Variants in WDR44 observed in about 807,000 individuals in gnomAD.
WDR44 encodes WD repeat domain 44.
WDR44 carries 9 observed loss-of-function variants against 65.7 expected under a neutral mutation model. That is an observed-to-expected ratio of 0.14 (90% confidence interval 0.08 to 0.24). The LOEUF is 0.24. Ranked by LOEUF, WDR44 falls within the 10% of genes least tolerant of loss-of-function variation. The pLI, the probability that WDR44 is intolerant of heterozygous loss-of-function variation, is 1.00. For missense variants in WDR44, 425 were observed against 670.9 expected, an observed-to-expected ratio of 0.63 and a Z score of 4.05; for synonymous variants, 220 against 235.2, an observed-to-expected ratio of 0.94 and a Z score of 0.59.
At chrX:118,442,849 G>A (rs1201486440) in intron 17 of WDR44, among the ~76,000 whole-genome samples, 169 bp downstream of exon 17, 1 of 111,714 alleles carries the variant, frequency 9.0e-6, no homozygotes, top group East Asian at 2.8e-4. Flanking sequence ...TATAGAATTC[G>A]AATTGACCCT....
chrX:118,449,618 G>A lies in WDR44; in HGVS notation c.*631G>A, dbSNP rs2057374642. The A allele has an allele frequency of 1.8e-5, 2 of 109,104 alleles. No homozygotes were observed. Among genetic ancestry groups the A allele is most frequent in the South Asian group, 7.9e-4 (2 of 2,532 alleles). 9.0% of individuals were successfully genotyped at this position (109,104 alleles called of 1,213,427 possible). A position where few individuals can be genotyped will look rare whatever the true frequency, so the allele number is the denominator to read the frequency against. ...ATAATTTTTTTTTCTTTGCCACACT[G>A]GAGCACAATGTTTCTATGTAAAGAA... On this transcript the variant is annotated 3_prime_UTR_variant, in exon 20 of 20. Coordinates refer to ENST00000254029, the MANE Select transcript of WDR44 (RefSeq NM_019045.5).
At chrX:118,427,063 G>C (rs1435224739) in intron 12 of WDR44, among the ~76,000 whole-genome samples, 1 of 111,288 alleles carries the variant, frequency 9.0e-6, no homozygotes, top group Non-Finnish European at 1.9e-5. Flanking sequence ...ATGTGAAATT[G>C]GATACAATAT....
intron 16 of WDR44, 86 bp downstream of exon 16, chrX:118,442,431 C>A: frequency 1.0e-6 from 1 of 969,588 alleles, no homozygotes. Context: ...AATGTATTCT[C>A]TTTGTTGTGG....
chrX:118,409,637 A>G lies in WDR44; in HGVS notation c.1672+10A>G, dbSNP rs1347836956. On this transcript the variant is annotated intron_variant, in intron 11 of 19. Transcript: ENST00000254029. Reference sequence around the variant, plus strand: ...AAATACAATACTGAAGGTATTTTTCATCTATTTAAAAATCTACAGAAACCT... The same window carrying G: ...AAATACAATACTGAAGGTATTTTTCGTCTATTTAAAAATCTACAGAAACCT... 1.5e-5 allele frequency: 18 copies of G among 1,168,513 alleles called. No homozygotes were observed. Among genetic ancestry groups the G allele is most frequent in the South Asian group, 1.2e-4 (6 of 50,476 alleles).
At chrX:118,368,837 C>T (rs138509106) in intron 1 of WDR44, among the ~76,000 whole-genome samples, 11,625 of 105,014 alleles carry the variant, frequency 0.11, 657 homozygotes, top group Admixed American at 0.25. Flanking sequence ...CTGCCTCACC[C>T]TCCTGAGTAG....
chrX:118,389,884 T>C (rs970272124), intron 3 of WDR44, among the ~76,000 whole-genome samples: 2 of 107,876 alleles, frequency 1.9e-5, no homozygotes, highest in Non-Finnish European at 3.8e-5. Flanking sequence ...ACTGTCTGCT[T>C]TTTATTTATT....
chrX:118,360,216 C>T (rs758812141), intron 1 of WDR44, among the ~76,000 whole-genome samples: 1 of 111,825 alleles, frequency 8.9e-6, no homozygotes, highest in East Asian at 2.8e-4. Context: ...TTGAGTAGCA[C>T]TGTCTTTAGG....
At chrX:118,402,664 A>G (rs1459882197) in intron 8 of WDR44, among the ~76,000 whole-genome samples, 1 of 109,932 alleles carries the variant, frequency 9.1e-6, no homozygotes, top group Non-Finnish European at 1.9e-5. Context: ...AGGTGGGTCT[A>G]TTGATCCTGG....
Position 118,443,061 on chromosome X carries a change from A to C in WDR44, c.2384+381A>C, listed in dbSNP as rs181660369. On this transcript the variant is annotated intron_variant, in intron 17 of 19. Transcript: ENST00000254029. ...CTTGAACCTTTTAGGAAAGGAAGGAACCTTTTAGGATTCTAAGAAAGCATT... is the reference window on the plus strand; with the variant it reads ...CTTGAACCTTTTAGGAAAGGAAGGACCCTTTTAGGATTCTAAGAAAGCATT... Among the ~76,000 whole-genome samples the C allele has an allele frequency of 3.8e-3, 427 of 111,194 alleles. 1 individual carries two copies. The highest frequency in any genetic ancestry group is 0.013 in the African/African-American group (403 of 30,561).
intron 5 of WDR44, among the ~76,000 whole-genome samples, chrX:118,394,906 C>A (rs946171225): frequency 1.8e-5 from 2 of 111,925 alleles, no homozygotes; most frequent in Non-Finnish European, 3.8e-5. Context: ...CTGTATGGCT[C>A]TTTATAGAGA....
At chrX:118,378,561 G>T in intron 2 of WDR44, 109 bp downstream of exon 2, 1 of 737,915 alleles carries the variant, frequency 1.4e-6, no homozygotes, top group Non-Finnish European at 2.0e-6. Context: ...CTTACTTTTT[G>T]CTCAGTAATG....
intron 17 of WDR44, 149 bp from the exon 18 acceptor site, chrX:118,443,411 A>G: frequency 1.6e-6 from 1 of 642,619 alleles, no homozygotes; most frequent in Non-Finnish European, 2.3e-6. Context: ...CATTTAGAAC[A>G]TCTAGAGTGA....
intron 12 of WDR44, among the ~76,000 whole-genome samples, chrX:118,415,685 G>A (rs1031196180): frequency 6.3e-5 from 7 of 111,315 alleles, no homozygotes; most frequent in Non-Finnish European, 1.1e-4. Context: ...TGTATTTTTA[G>A]TAGAGACGAG....
At chrX:118,442,730 T>G (rs758366139) in intron 17 of WDR44, 50 bp downstream of exon 17, 1 of 1,030,521 alleles carries the variant, frequency 9.7e-7, no homozygotes, top group South Asian at 2.0e-5. Context: ...ATTTCTCCCC[T>G]AGTTCCATTT....
intron 12 of WDR44, among the ~76,000 whole-genome samples, chrX:118,415,531 T>C (rs1166703717): frequency 9.0e-6 from 1 of 111,474 alleles, no homozygotes; most frequent in East Asian, 2.8e-4. Context: ...TGAGATGGAG[T>C]CTCACTCTGT....
At chrX:118,384,066 C>T (rs1419685506) in intron 2 of WDR44, among the ~76,000 whole-genome samples, 2 of 107,353 alleles carry the variant, frequency 1.9e-5, no homozygotes. Context: ...TTTTTAGAGG[C>T]GAGGTCTCAC....
At chrX:118,437,901 T>G (rs2147748875) in intron 14 of WDR44, among the ~76,000 whole-genome samples, 1 of 110,978 alleles carries the variant, frequency 9.0e-6, no homozygotes, top group African/African-American at 3.3e-5. Flanking sequence ...TCAGGCATGG[T>G]GGCAGGTGCC....
intron 1 of WDR44, among the ~76,000 whole-genome samples, chrX:118,372,597 A>C (rs186122189): frequency 3.6e-5 from 4 of 111,838 alleles, no homozygotes; most frequent in African/African-American, 9.7e-5. Flanking sequence ...TAAAAAAAAA[A>C]GTGCCACAAA....
intron 1 of WDR44, among the ~76,000 whole-genome samples, chrX:118,368,559 C>T (rs1208306497): frequency 2.0e-5 from 2 of 102,000 alleles, no homozygotes; most frequent in South Asian, 9.3e-4. Flanking sequence ...TTGATGACCT[C>T]TCTTGTTGCT....
Sources: gnomAD v4.1 joint callset for allele counts (sites outside exome capture counted in the v4.1 genomes callset) on GRCh38, gnomAD v4.1.1 for gene constraint, MANE v1.5 for transcripts, NCBI Gene and HGNC (gene_info 2026-07-23, HGNC 2026-07-21) for gene names.